The following OPA3 variants were observed in gnomAD, a reference collection of about 807,000 sequenced individuals.
The protein encoded by OPA3 is outer mitochondrial membrane lipid metabolism regulator OPA3, also known as optic atrophy 3 protein.
OPA3 carries 6 observed loss-of-function variants against 4.0 expected under a neutral mutation model. That is an observed-to-expected ratio of 1.51 (90% CI 0.83 to 2.99). The LOEUF is 2.99. Ranked by LOEUF, OPA3 falls within the 30% of genes most tolerant of loss-of-function variation. OPA3 has a pLI of 0.00. For synonymous variants in OPA3, 105 were observed against 117.1 expected, an observed-to-expected ratio of 0.90 and a Z score of 0.67; for missense variants, 235 against 256.2, an observed-to-expected ratio of 0.92 and a Z score of 0.56.
At chr19:45,537,396 C>CAAAAAAAAAA (rs1181396046) in intron 1 of OPA3, among the ~76,000 whole-genome samples, 7 of 28,912 alleles carry the variant, frequency 2.4e-4, no homozygotes, top group Admixed American at 1.1e-3. Flanking sequence ...GACTCTGTCT[C>CAAAAAAAAAA]AAAAAAAAAA....
At chr19:45,578,699 T>C (rs1218953758) in intron 1 of OPA3, among the ~76,000 whole-genome samples, 8 of 152,046 alleles carry the variant, frequency 5.3e-5, no homozygotes, top group African/African-American at 1.9e-4. Flanking sequence ...TGGTGGCGCA[T>C]GCCTGTAATC....
chr19:45,584,740 C>G lies in OPA3; in HGVS notation c.25G>C (p.Ala9Pro). 1 of 1,614,040 alleles carries G rather than the reference C, an allele frequency of 6.2e-7. No individual in the cohort carries two copies. Among genetic ancestry groups the G allele is most frequent in the Non-Finnish European group, 8.5e-7 (1 of 1,180,028 alleles). ...CGGATGCCCAAGTATAGCAGCTTCGCCATAGGGAACGCGCCCACCACCATC... is the reference window on the plus strand; with the variant it reads ...CGGATGCCCAAGTATAGCAGCTTCGGCATAGGGAACGCGCCCACCACCATC... MVVGAFPM[A>P]KLLYLGIRQV... Residue 9 changes from alanine to proline, a missense_variant, in exon 1 of 2, where the codon GCG (alanine) becomes CCG (proline). Coordinates refer to ENST00000263275, the MANE Select transcript of OPA3 (RefSeq NM_025136.4).
At chr19:45,531,075 C>T (rs2122372861) in intron 1 of OPA3, among the ~76,000 whole-genome samples, 1 of 151,604 alleles carries the variant, frequency 6.6e-6, no homozygotes, top group Admixed American at 6.6e-5. Flanking sequence ...CAGGCATGAG[C>T]TACCACACCC....
At chr19:45,567,670 A>G (rs1260447978) in intron 1 of OPA3, among the ~76,000 whole-genome samples, 1 of 152,142 alleles carries the variant, frequency 6.6e-6, no homozygotes, top group African/African-American at 2.4e-5. Context: ...CTCAACAAAG[A>G]ATATACCAAA....
At chr19:45,570,645 C>T (rs555304372) in intron 1 of OPA3, among the ~76,000 whole-genome samples, 79 of 152,128 alleles carry the variant, frequency 5.2e-4, no homozygotes, top group African/African-American at 1.9e-3. Context: ...TGAGATTGAA[C>T]CACTGCACTA....
chr19:45,584,794 T>C lies in OPA3; in HGVS notation c.-30A>G, dbSNP rs746562214. The stretch of plus-strand genomic sequence containing the variant: ...GCGGTCTCACAGGGCACGCGCAACC[T>C]TGCTGACTGGGCGGGGCGCCTCAAC... On this transcript the variant is annotated 5_prime_UTR_variant, in exon 1 of 2. Transcript: ENST00000263275. The C allele has an allele frequency of 1.9e-5, 30 of 1,612,174 alleles. No individual in the cohort carries two copies. The East Asian group carries it at 5.6e-4, about 30-fold the overall frequency.
At chr19:45,584,560 A>C (rs1304871184) in intron 1 of OPA3, 63 bp downstream of exon 1, 10 of 1,612,358 alleles carry the variant, frequency 6.2e-6, no homozygotes, top group Non-Finnish European at 8.5e-6. Context: ...CCATCCCCTA[A>C]GCAACCACCT....
chr19:45,584,754 CCCA>C lies in OPA3; in HGVS notation c.8_10del (p.Val3del), dbSNP rs1555736840. 6.2e-7 allele frequency: 1 copy of C among 1,613,942 alleles called. No homozygotes were observed. The highest frequency in any genetic ancestry group is 8.5e-7 in the Non-Finnish European group (1 of 1,180,020). ...TAGCAGCTTCGCCATAGGGAACGCG[CCCA>C]CCACCATCTTGGCGGTCTCACAGGG... On this transcript the variant is annotated inframe_deletion, in exon 1 of 2. Transcript: ENST00000263275.
In OPA3 at chr19:45,548,592, CACT is replaced by C. The variant is rs886054514; in HGVS notation, c.*4919_*4921del. The C allele has an allele frequency of 3.0e-6, 3 of 985,098 alleles. No individual in the cohort carries two copies. The African/African-American group carries it at 5.2e-5, about 17-fold the overall frequency. 61.0% of individuals were successfully genotyped at this position (985,098 alleles called of 1,614,324 possible). Reference sequence around the variant, plus strand: ...GCAGGGCTGGGGCTGTCTCTGTCACCACTGTGACCCCAGCATAGGGTGGGGCAG... The same window carrying C: ...GCAGGGCTGGGGCTGTCTCTGTCACCGTGACCCCAGCATAGGGTGGGGCAG... On this transcript the variant is annotated 3_prime_UTR_variant, in exon 2 of 2. Coordinates refer to ENST00000263275, the MANE Select transcript of OPA3 (RefSeq NM_025136.4).
intron 1 of OPA3, among the ~76,000 whole-genome samples, chr19:45,535,369 CTTT>C (rs57680613): frequency 0.16 from 18,817 of 118,924 alleles, 1,140 homozygotes; most frequent in South Asian, 0.3. Context: ...TAAATTATTA[CTTT>C]TTTTTTTTTT....
At chr19:45,536,548 C>CAA (rs34377614) in intron 1 of OPA3, among the ~76,000 whole-genome samples, 6,320 of 96,310 alleles carry the variant, frequency 0.066, 303 homozygotes, top group East Asian at 0.26. Context: ...AACTCTGTCT[C>CAA]AAAAAAAAAA....
intron 1 of OPA3, among the ~76,000 whole-genome samples, chr19:45,532,704 A>T (rs1483205526): frequency 6.6e-6 from 1 of 152,072 alleles, no homozygotes; most frequent in Non-Finnish European, 1.5e-5. Context: ...CCAAACATAC[A>T]GGGAAGTTTA....
intron 1 of OPA3, among the ~76,000 whole-genome samples, chr19:45,566,124 A>C (rs1160991718): frequency 1.3e-5 from 2 of 152,158 alleles, no homozygotes; most frequent in East Asian, 1.9e-4. Flanking sequence ...CAGGAATATA[A>C]GATTGGTTTA....
At chr19:45,530,558 G>A (rs920721133) in intron 1 of OPA3, among the ~76,000 whole-genome samples, 2 of 151,790 alleles carry the variant, frequency 1.3e-5, no homozygotes, top group African/African-American at 4.8e-5. Flanking sequence ...TGCCCAGGCT[G>A]TAGTGCAGTG....
chr19:45,529,402 G>A, exon 2 of OPA3: 4 of 1,614,244 alleles, frequency 2.5e-6, no homozygotes, highest in Non-Finnish European at 3.4e-6. Context: ...CTTGATGGCA[G>A]CGGCATTGAA....
At chr19:45,545,235 C>G (rs1308695331), downstream of OPA3, among the ~76,000 whole-genome samples, 1 of 140,810 alleles carries the variant, frequency 7.1e-6, no homozygotes, top group South Asian at 2.3e-4. Context: ...TACTTCAAAA[C>G]AGAGAAAAAA....
At chr19:45,578,681 G>A (rs1167196934) in intron 1 of OPA3, among the ~76,000 whole-genome samples, 1 of 152,026 alleles carries the variant, frequency 6.6e-6, no homozygotes, top group East Asian at 1.9e-4. Flanking sequence ...TACAAAATTA[G>A]CCGGGCGTGG....
At chr19:45,572,200 G>A (rs1294415272) in intron 1 of OPA3, among the ~76,000 whole-genome samples, 1 of 138,652 alleles carries the variant, frequency 7.2e-6, no homozygotes, top group African/African-American at 2.6e-5. Context: ...ATATATATGA[G>A]ATATATATAT....
Position 45,553,004 on chromosome 19 carries a change from A to G in OPA3, c.*510T>C, listed in dbSNP as rs1056578842. The G allele has an allele frequency of 5.0e-6, 5 of 1,005,606 alleles. No homozygotes were observed. The highest frequency in any genetic ancestry group is 5.9e-6 in the Non-Finnish European group (5 of 842,334). The allele number at this position is 1,005,606 out of a possible 1,614,324, so 62.3% of individuals were successfully genotyped here. ...CCGTTTTTTTCCTCCTTAAGAGAGC[A>G]CTGATGCTCAGCTAGAGCTGACCTT... is the stretch of plus-strand genomic sequence containing the variant. On this transcript the variant is annotated 3_prime_UTR_variant, in exon 2 of 2. Transcript: ENST00000263275.
Sources: gnomAD v4.1 joint callset for allele counts (sites outside exome capture counted in the v4.1 genomes callset) on GRCh38, gnomAD v4.1.1 for gene constraint, MANE v1.5 for transcripts, NCBI Gene and HGNC (gene_info 2026-07-23, HGNC 2026-07-21) for gene names.